RBFOX1: variants seen among roughly 807,000 people sequenced by gnomAD.
RBFOX1 encodes RNA binding fox-1 homolog 1.
A neutral mutation model predicts 57.7 loss-of-function variants in RBFOX1; 8 were observed. The ratio of observed to expected loss-of-function variants is 0.14; its 90% CI spans 0.08 to 0.25. RBFOX1 has a LOEUF of 0.25. Among genes scored for constraint, RBFOX1 ranks in the 10% least tolerant of loss-of-function variants. RBFOX1 has a pLI of 1.00. For missense variants in RBFOX1, 611 were observed against 548.5 expected, an observed-to-expected ratio of 1.11 and a Z score of -1.14; for synonymous variants, 326 against 222.4, an observed-to-expected ratio of 1.47 and a Z score of -4.15.
chr16:6,271,088 G>C (rs778631071), intron 1 of RBFOX1, among the ~76,000 whole-genome samples: 4 of 152,116 alleles, frequency 2.6e-5, no homozygotes, highest in Non-Finnish European at 5.9e-5. Context: ...TTAGAGAAGA[G>C]GAAAAGCTTC....
Position 6,097,620 on chromosome 16 carries a change from A to G in RBFOX1, c.-127+77628A>G, listed in dbSNP as rs2096261022. On this transcript the variant is annotated intron_variant, in intron 1 of 15. Transcript: ENST00000550418. This position sits in a 1 kb window ranked among gnomAD's most constrained non-coding sequence, Gnocchi z 5.0. Reference sequence around the variant, plus strand: ...TCTCATTTCACAGATGAGAAAAATGAGTCAGTAGGAGGAAAAGTGATTGAC... The same window carrying G: ...TCTCATTTCACAGATGAGAAAAATGGGTCAGTAGGAGGAAAAGTGATTGAC... 6.6e-6 allele frequency among the ~76,000 whole-genome samples: 1 copy of G among 152,176 alleles called. No homozygotes were observed. Among genetic ancestry groups the G allele is most frequent in the African/African-American group, 2.4e-5 (1 of 41,436 alleles).
chr16:6,847,285 G>T (rs1056661209), intron 3 of RBFOX1, among the ~76,000 whole-genome samples: 3 of 152,154 alleles, frequency 2.0e-5, no homozygotes, highest in Non-Finnish European at 1.5e-5. Flanking sequence ...GGCTGGCCCA[G>T]ACTGTGCTCA....
chr16:7,279,782 C>G (rs1017535715), intron 4 of RBFOX1, among the ~76,000 whole-genome samples: 5 of 152,200 alleles, frequency 3.3e-5, no homozygotes, highest in Admixed American at 3.3e-4. Context: ...GTTCCTCTTT[C>G]TCTTATGTGA....
chr16:7,058,005 G>GCA (rs145498650), intron 4 of RBFOX1, among the ~76,000 whole-genome samples: 1 of 121,618 alleles, frequency 8.2e-6, no homozygotes, highest in African/African-American at 3.2e-5. Flanking sequence ...GAGACTGTGG[G>GCA]GAAAAAAAAA....
intron 1 of RBFOX1, among the ~76,000 whole-genome samples, chr16:6,152,722 G>A (rs367819538): frequency 9.2e-5 from 14 of 152,248 alleles, no homozygotes; most frequent in South Asian, 2.1e-4. Context: ...CATCTTCCAC[G>A]TGGGCCCACA....
At chr16:5,560,248 AAAGCACTTAGTCACCTCCTCCAGG>A (rs1330069054) in intron 2 of RBFOX1, among the ~76,000 whole-genome samples, 36 of 151,282 alleles carry the variant, frequency 2.4e-4, no homozygotes, top group Admixed American at 7.9e-4. Context: ...CTTCCTCCAG[AAAGCACTTAGTCACCTCCTCCAGG>A]AAGCACTTAG....
rs965016979 is a variant in RBFOX1 at position 6,532,841 on chromosome 16, G to C, written c.-63-121762G>C. ...ACATTGTGGAATGTGAGAAGGCAAA[G>C]ATCTCAGACTTTCCATGTGAATTGA... On this transcript the variant is annotated intron_variant, in intron 2 of 15. Coordinates refer to ENST00000550418, the MANE Select transcript of RBFOX1 (RefSeq NM_018723.4). Among the ~76,000 whole-genome samples, 8 of 152,298 alleles carry C rather than the reference G, an allele frequency of 5.3e-5. No individual in the cohort carries two copies. The South Asian group carries it at 1.7e-3, about 32-fold the overall frequency.
intron 3 of RBFOX1, among the ~76,000 whole-genome samples, chr16:7,024,649 A>T (rs73536859): frequency 6.6e-6 from 1 of 151,968 alleles, no homozygotes. Context: ...GCTTAGGGAG[A>T]TCTCCTGTTC....
intron 3 of RBFOX1, among the ~76,000 whole-genome samples, chr16:6,922,202 T>C (rs564339330): frequency 6.6e-6 from 1 of 152,274 alleles, no homozygotes; most frequent in East Asian, 1.9e-4. Context: ...TCAGTGGTTC[T>C]TGCTACAATG....
intron 4 of RBFOX1, among the ~76,000 whole-genome samples, chr16:5,944,586 A>T (rs1033775407): frequency 2.6e-5 from 4 of 151,588 alleles, no homozygotes; most frequent in South Asian, 2.1e-4. Flanking sequence ...GTTTCGACAA[A>T]TGTGAAGTCA....
At chr16:5,318,151 C>T (rs1330410734) in intron 1 of RBFOX1, among the ~76,000 whole-genome samples, 2 of 152,032 alleles carry the variant, frequency 1.3e-5, no homozygotes, top group Non-Finnish European at 2.9e-5. Context: ...ATTTTTAAGA[C>T]AGTGTCTCAC....
intron 4 of RBFOX1, among the ~76,000 whole-genome samples, chr16:7,107,625 T>G (rs1399053928): frequency 6.6e-6 from 1 of 152,112 alleles, no homozygotes; most frequent in African/African-American, 2.4e-5. Flanking sequence ...CATCCTTCTT[T>G]CCGCTCCTCC....
At chr16:7,343,214 G>A (rs1234198323) in intron 4 of RBFOX1, among the ~76,000 whole-genome samples, 1 of 152,212 alleles carries the variant, frequency 6.6e-6, no homozygotes, top group Non-Finnish European at 1.5e-5. Flanking sequence ...CAAGGAGGAT[G>A]TGTGAGTGCC....
intron 3 of RBFOX1, among the ~76,000 whole-genome samples, chr16:6,977,920 C>T (rs1460733087): frequency 2.1e-5 from 3 of 144,432 alleles, no homozygotes; most frequent in African/African-American, 5.2e-5. Context: ...GAAACTGCCT[C>T]TTCCAGCCTC....
At chr16:7,108,300 C>G (rs1165828386) in intron 4 of RBFOX1, among the ~76,000 whole-genome samples, 4 of 151,842 alleles carry the variant, frequency 2.6e-5, no homozygotes, top group Non-Finnish European at 5.9e-5. Flanking sequence ...CACAATCTCC[C>G]CATTAACAAA....
intron 2 of RBFOX1, among the ~76,000 whole-genome samples, chr16:6,630,840 G>C (rs1395040484): frequency 2.6e-5 from 4 of 152,086 alleles, no homozygotes; most frequent in African/African-American, 9.7e-5. Context: ...ACTTCCTCTA[G>C]GGCAGTAGTC....
At chr16:6,541,448 A>G (rs2096817362) in intron 2 of RBFOX1, among the ~76,000 whole-genome samples, 1 of 152,206 alleles carries the variant, frequency 6.6e-6, no homozygotes, top group African/African-American at 2.4e-5. Context: ...CAGTGCAGGG[A>G]TCAGACAGTG....
At chr16:5,788,168 C>G (rs2054571412) in intron 3 of RBFOX1, among the ~76,000 whole-genome samples, 1 of 152,136 alleles carries the variant, frequency 6.6e-6, no homozygotes, top group Non-Finnish European at 1.5e-5. Context: ...GGAGGTTGCT[C>G]CCAGGACTGC....
chr16:6,225,068 G>A (rs981854160), intron 1 of RBFOX1, among the ~76,000 whole-genome samples: 1 of 150,646 alleles, frequency 6.6e-6, no homozygotes, highest in Non-Finnish European at 1.5e-5. Context: ...GGAATTTGGG[G>A]CTGTCCCCAG....
Sources: gnomAD v4.1 joint callset for allele counts (sites outside exome capture counted in the v4.1 genomes callset) on GRCh38, gnomAD v4.1.1 for gene constraint, Gnocchi (gnomAD v3.1) non-coding constraint, MANE v1.5 for transcripts, NCBI Gene and HGNC (gene_info 2026-07-23, HGNC 2026-07-21) for gene names.